The following PLCB1 variants were observed in gnomAD, a reference collection of about 807,000 sequenced individuals.
PLCB1 encodes the protein 1-phosphatidylinositol 4,5-bisphosphate phosphodiesterase beta-1.
In PLCB1, 46 loss-of-function variants were observed where a neutral mutation model predicts 161.8. The ratio of observed to expected loss-of-function variants is 0.28; its 90% CI spans 0.22 to 0.36. The LOEUF is 0.36. PLCB1 is among the 10% of genes least tolerant of loss of function. PLCB1 has a pLI of 1.00. For synonymous variants in PLCB1, 517 were observed against 503.7 expected (o/e 1.03, Z -0.35); for missense variants, 1,016 against 1,472.5 (o/e 0.69, Z 5.07).
intron 3 of PLCB1, among the ~76,000 whole-genome samples, chr20:8,567,163 T>C (rs1250507165): frequency 1.3e-5 from 2 of 152,190 alleles, no homozygotes; most frequent in Non-Finnish European, 2.9e-5. Context: ...TTTCAGCCAG[T>C]TAAAATGTCA....
intron 2 of PLCB1, among the ~76,000 whole-genome samples, chr20:8,202,778 C>CT (rs1324984021): frequency 1.3e-5 from 2 of 152,108 alleles, no homozygotes; most frequent in Non-Finnish European, 2.9e-5. Flanking sequence ...AATATGTTGA[C>CT]TGATAGTCCA....
At chr20:8,368,060 G>A (rs374463779) in intron 2 of PLCB1, among the ~76,000 whole-genome samples, 10 of 152,170 alleles carry the variant, frequency 6.6e-5, no homozygotes, top group South Asian at 2.1e-4. Flanking sequence ...CGTGGCTTGG[G>A]GAATGAATCC....
chr20:8,535,623 A>G (rs1197008814), intron 3 of PLCB1, among the ~76,000 whole-genome samples: 2 of 152,190 alleles, frequency 1.3e-5, no homozygotes, highest in Non-Finnish European at 2.9e-5. Context: ...GCGCCCCTAC[A>G]ACAGAGTTAT....
intron 31 of PLCB1, among the ~76,000 whole-genome samples, chr20:8,822,331 A>G (rs551556116): frequency 6.6e-6 from 1 of 152,326 alleles, no homozygotes; most frequent in South Asian, 2.1e-4. Context: ...AGCATTTAGT[A>G]TGTGTCAGGC....
At chr20:8,881,497 T>C (rs1385819386) in intron 31 of PLCB1, 125 bp from the exon 32 acceptor site, 1 of 731,250 alleles carries the variant, frequency 1.4e-6, no homozygotes, top group Non-Finnish European at 2.4e-6. Context: ...AGGTGACCAG[T>C]GAATGATATT....
intron 4 of PLCB1, among the ~76,000 whole-genome samples, chr20:8,631,167 T>C (rs757217154): frequency 9.2e-5 from 14 of 152,352 alleles, no homozygotes; most frequent in Non-Finnish European, 1.6e-4. Flanking sequence ...ACACAGATTG[T>C]TGGGCCCCAG....
At chr20:8,241,651 GTCT>G (rs1980618725) in intron 2 of PLCB1, among the ~76,000 whole-genome samples, 1 of 151,828 alleles carries the variant, frequency 6.6e-6, no homozygotes, top group African/African-American at 2.4e-5. Flanking sequence ...CATGTTGTAA[GTCT>G]TGTTTTGTTT....
chr20:8,152,684 CTGTGTTTTCCATTGG>C (rs906051238), intron 2 of PLCB1, among the ~76,000 whole-genome samples: 2 of 151,940 alleles, frequency 1.3e-5, no homozygotes, highest in Non-Finnish European at 2.9e-5. Flanking sequence ...ATTTTATACA[CTGTGTTTTCCATTGG>C]TTGGGAAGCT....
At chr20:8,750,758 G>A (rs1159699921) in intron 23 of PLCB1, 5 of 956,256 alleles carry the variant, frequency 5.2e-6, no homozygotes, top group African/African-American at 1.7e-5. Flanking sequence ...TAAGGGAAAG[G>A]CTGGCTCTAA....
At chr20:8,291,078 A>C (rs981119070) in intron 2 of PLCB1, among the ~76,000 whole-genome samples, 1 of 151,548 alleles carries the variant, frequency 6.6e-6, no homozygotes, top group Non-Finnish European at 1.5e-5. Context: ...GAAATGCCCC[A>C]TCAAACTGAA....
chr20:8,309,687 G>A (rs1028108925), intron 2 of PLCB1, among the ~76,000 whole-genome samples: 1 of 152,194 alleles, frequency 6.6e-6, no homozygotes, highest in African/African-American at 2.4e-5. Context: ...GTTGACAGCA[G>A]TTTTCTTCGG....
intron 30 of PLCB1, among the ~76,000 whole-genome samples, 195 bp downstream of exon 30, chr20:8,789,770 G>T (rs1042196234): frequency 6.6e-6 from 1 of 152,140 alleles, no homozygotes; most frequent in Non-Finnish European, 1.5e-5. Flanking sequence ...TTTGTAAAAG[G>T]ATTCATCTAA....
In PLCB1 at chr20:8,320,054, G is replaced by T. The variant is rs12481433; in HGVS notation, c.178-51328G>T. Among the ~76,000 whole-genome samples the T allele has an allele frequency of 6.4e-3, 974 of 152,178 alleles. 5 individuals carry two copies. The highest frequency in any genetic ancestry group is 8.7e-3 in the Non-Finnish European group (589 of 68,008). On this transcript the variant is annotated intron_variant, in intron 2 of 31. Coordinates refer to ENST00000338037, the MANE Select transcript of PLCB1 (RefSeq NM_015192.4). The stretch of plus-strand genomic sequence containing the variant: ...TGTTTAGCACGAGGTTTTGGGTGAA[G>T]AAGATGAGACATGTGAGGTCCGGGG...
intron 23 of PLCB1, among the ~76,000 whole-genome samples, chr20:8,745,616 G>A (rs1049490731): frequency 6.6e-6 from 1 of 151,546 alleles, no homozygotes; most frequent in Non-Finnish European, 1.5e-5. Context: ...TATATTATGT[G>A]TATAATATAT....
intron 2 of PLCB1, among the ~76,000 whole-genome samples, chr20:8,193,410 TA>T (rs912675402): frequency 1.1e-4 from 17 of 151,696 alleles, no homozygotes; most frequent in Admixed American, 2.6e-4. Context: ...AAAAAATTTT[TA>T]AAAAAAAAGG....
intron 3 of PLCB1, among the ~76,000 whole-genome samples, chr20:8,477,744 C>T (rs969646693): frequency 1.3e-5 from 2 of 152,108 alleles, no homozygotes; most frequent in African/African-American, 2.4e-5. Flanking sequence ...AACCAGCTCT[C>T]GCATGAACTA....
intron 14 of PLCB1, among the ~76,000 whole-genome samples, chr20:8,718,566 A>G (rs1396132574): frequency 1.3e-5 from 2 of 152,166 alleles, no homozygotes; most frequent in Admixed American, 1.3e-4. Context: ...CTGTGGTCAC[A>G]TCTCCCTCTG....
At chr20:8,209,623 T>C (rs1171988919) in intron 2 of PLCB1, among the ~76,000 whole-genome samples, 2 of 152,158 alleles carry the variant, frequency 1.3e-5, no homozygotes, top group South Asian at 2.1e-4. Context: ...ATAATTTCTG[T>C]TGGGAAAGAA....
intron 31 of PLCB1, among the ~76,000 whole-genome samples, chr20:8,877,379 G>T (rs1229640710): frequency 6.6e-6 from 1 of 152,182 alleles, no homozygotes; most frequent in African/African-American, 2.4e-5. Flanking sequence ...GAGCCCAGTG[G>T]GGCTGATGAA....
Sources: allele counts gnomAD v4.1 joint callset (sites outside exome capture counted in the v4.1 genomes callset), GRCh38; gene constraint gnomAD v4.1.1; transcripts MANE v1.5; gene names NCBI Gene and HGNC (gene_info 2026-07-23, HGNC 2026-07-21).